Variants in FBN1 observed in about 807,000 individuals in gnomAD.
FBN1 encodes fibrillin-1.
In FBN1, 29 loss-of-function variants were observed where a neutral mutation model predicts 365.1. The ratio of observed to expected loss-of-function variants is 0.08; its 90% CI spans 0.06 to 0.11. FBN1 has a LOEUF of 0.11. Among genes scored for constraint, FBN1 ranks in the 10% least tolerant of loss-of-function variants. The probability of loss-of-function intolerance (pLI) is 1.00; values close to 1 mark genes in which losing one functional copy is unlikely to be tolerated. For synonymous variants in FBN1, 1,210 were observed against 1,270.5 expected (o/e 0.95, Z 1.01); for missense variants, 2,476 against 3,703.2 (o/e 0.67, Z 8.60).
intron 5 of FBN1, among the ~76,000 whole-genome samples, chr15:48,599,683 G>A (rs933461548): frequency 6.6e-6 from 1 of 152,158 alleles, no homozygotes; most frequent in African/African-American, 2.4e-5. Flanking sequence ...GCAGAATCTA[G>A]ATTAGGAAAT....
At chr15:48,440,900 G>GAAAA (rs796766783) in intron 50 of FBN1, among the ~76,000 whole-genome samples, 28 of 141,484 alleles carry the variant, frequency 2.0e-4, no homozygotes, top group Non-Finnish European at 3.2e-4. Context: ...AAAAAACCAT[G>GAAAA]AAAAAAAAAA....
chr15:48,452,324 C>A (rs1028341240), intron 45 of FBN1, among the ~76,000 whole-genome samples: 1 of 152,038 alleles, frequency 6.6e-6, no homozygotes, highest in Non-Finnish European at 1.5e-5. Context: ...TCTATGTATG[C>A]GAATGATTTA....
At chr15:48,428,100 C>T (rs954270750) in intron 57 of FBN1, 8 of 634,838 alleles carry the variant, frequency 1.3e-5, no homozygotes, top group Admixed American at 5.2e-5. Flanking sequence ...TCACCAAGGG[C>T]TTCAAAGGCA....
At chr15:48,619,666 A>G (rs1889728201) in intron 2 of FBN1, among the ~76,000 whole-genome samples, 1 of 152,066 alleles carries the variant, frequency 6.6e-6, no homozygotes, top group Non-Finnish European at 1.5e-5. Context: ...CATCAGGACT[A>G]TTCACCTTGC....
intron 6 of FBN1, among the ~76,000 whole-genome samples, chr15:48,593,979 A>T (rs984469780): frequency 6.6e-6 from 1 of 152,146 alleles, no homozygotes; most frequent in Non-Finnish European, 1.5e-5. Context: ...AAGTATACCA[A>T]CCCACCATCG....
In FBN1 at chr15:48,486,971, G is replaced by A. The variant is rs2043512131; in HGVS notation, c.3589+104C>T. On this transcript the variant is annotated intron_variant, in intron 29 of 65. Transcript: ENST00000316623. ...AAACAAAACTCAGAGTACATAGAGT[G>A]TTTTAGGGAGAGATGAAATAAAATA... The A allele has an allele frequency of 5.3e-6, 5 of 938,326 alleles. No individual in the cohort carries two copies. The East Asian group carries it at 1.6e-4, about 30-fold the overall frequency. 58.1% of individuals were successfully genotyped at this position (938,326 alleles called of 1,614,324 possible). A position where few individuals can be genotyped will look rare whatever the true frequency, so the allele number is the denominator to read the frequency against.
intron 12 of FBN1, 39 bp downstream of exon 12, chr15:48,515,348 C>G (rs1365500277): frequency 6.2e-7 from 1 of 1,612,568 alleles, no homozygotes; most frequent in Non-Finnish European, 8.5e-7. Flanking sequence ...AACAGAATTA[C>G]AACAGACCCT....
chr15:48,548,882 A>G (rs1185983383), intron 6 of FBN1, among the ~76,000 whole-genome samples: 1 of 152,218 alleles, frequency 6.6e-6, no homozygotes, highest in Admixed American at 6.5e-5. Context: ...AAGCATGTTA[A>G]CAATAATTAA....
chr15:48,620,908 G>A (rs1326423619), intron 2 of FBN1, among the ~76,000 whole-genome samples: 1 of 152,186 alleles, frequency 6.6e-6, no homozygotes, highest in Non-Finnish European at 1.5e-5. Flanking sequence ...TGAATCTGTA[G>A]CATCTTGCAG....
intron 5 of FBN1, among the ~76,000 whole-genome samples, chr15:48,598,175 A>C (rs2044530330): frequency 6.6e-6 from 1 of 152,206 alleles, no homozygotes. Context: ...CACATGGGCT[A>C]TGGAGTCAGA....
At chr15:48,523,065 C>T (rs1489823637) in intron 9 of FBN1, among the ~76,000 whole-genome samples, 4 of 152,174 alleles carry the variant, frequency 2.6e-5, no homozygotes, top group African/African-American at 9.7e-5. Context: ...TTTGTAATGC[C>T]TTAAAACCAC....
intron 2 of FBN1, among the ~76,000 whole-genome samples, chr15:48,627,659 G>A (rs557976547): frequency 1.3e-5 from 2 of 152,264 alleles, no homozygotes; most frequent in South Asian, 2.1e-4. Context: ...CCAATTTCAC[G>A]TCTCTGTGAC....
chr15:48,645,204 G>T (rs1160847531), intron 1 of FBN1, among the ~76,000 whole-genome samples: 2 of 152,142 alleles, frequency 1.3e-5, no homozygotes, highest in Non-Finnish European at 2.9e-5. Flanking sequence ...ATCCCCAGCG[G>T]TCCTAAGCCC....
In FBN1 at chr15:48,458,286, A is replaced by C. The variant is rs546422914; in HGVS notation, c.5297-1524T>G. On this transcript the variant is annotated intron_variant, in intron 43 of 65. Transcript: ENST00000316623. ...CCACACTCTATAACCAATCTGTTTT[A>C]AAGGAGAAATTTGATGTCATAGATT... 2.2e-3 allele frequency among the ~76,000 whole-genome samples: 333 copies of C among 152,350 alleles called. 2 individuals carry two copies. The highest frequency in any genetic ancestry group is 7.8e-3 in the African/African-American group (324 of 41,582).
intron 6 of FBN1, among the ~76,000 whole-genome samples, chr15:48,579,635 A>C (rs1183974967): frequency 2.6e-5 from 4 of 152,176 alleles, no homozygotes; most frequent in Non-Finnish European, 5.9e-5. Context: ...TTCTTTCACT[A>C]ATCTATAAAT....
chr15:48,491,755 C>G (rs2141299528), intron 24 of FBN1, among the ~76,000 whole-genome samples: 1 of 152,286 alleles, frequency 6.6e-6, no homozygotes, highest in Non-Finnish European at 1.5e-5. Flanking sequence ...GTCATGAACT[C>G]AGAAACCAGT....
At position 48,410,690 on chromosome 15, in the gene FBN1, A is replaced by G. The variant is rs1011876253; in HGVS notation, c.*300T>C. The G allele has an allele frequency of 3.9e-5, 14 of 359,490 alleles. No individual in the cohort carries two copies. Among genetic ancestry groups the G allele is most frequent in the Non-Finnish European group, 6.1e-5 (12 of 198,344 alleles). The allele number at this position is 359,490 out of a possible 1,614,324, so 22.3% of individuals were successfully genotyped here. ...AGCACATTCCCGTACGTTTGCTGGA[A>G]GGATGGCATGTCAGCATAAATGGCC... On this transcript the variant is annotated 3_prime_UTR_variant, in exon 66 of 66. Transcript: ENST00000316623.
chr15:48,515,469 A>C lies in FBN1; in HGVS notation c.1386T>G (p.Asn462Lys). The stretch of plus-strand genomic sequence containing the variant: ...TCCCAGGAGTTGGAATGCAGCGTCC[A>C]TTTTGACAGAGATAGCGGACCAACT... Reference protein sequence around the residue: ...YCQLVRYLCQNGRCIPTPGSY... With the variant: ...YCQLVRYLCQKGRCIPTPGSY... The change falls in exon 12 of 66, where the codon AAT (asparagine) becomes AAG (lysine). Residue 462 changes from asparagine (N) to lysine (K), a missense_variant. Around this residue, in one of 5 missense-constraint regions of FBN1, gnomAD observed 421 missense variants for 520.1 expected, o/e 0.81. Coordinates refer to ENST00000316623, the MANE Select transcript of FBN1 (RefSeq NM_000138.5). The C allele has an allele frequency of 6.2e-7, 1 of 1,614,078 alleles. No homozygotes were observed. The highest frequency in any genetic ancestry group is 8.5e-7 in the Non-Finnish European group (1 of 1,179,944).
intron 31 of FBN1, among the ~76,000 whole-genome samples, chr15:48,482,623 T>C (rs1259813254): frequency 6.6e-6 from 1 of 151,972 alleles, no homozygotes; most frequent in East Asian, 1.9e-4. Flanking sequence ...AAGGCTGAGG[T>C]AGTTAGGGTT....
Sources: allele counts gnomAD v4.1 joint callset (sites outside exome capture counted in the v4.1 genomes callset), GRCh38; gene constraint gnomAD v4.1.1; regional missense constraint gnomAD v4.1.1; transcripts MANE v1.5; gene names NCBI Gene and HGNC (gene_info 2026-07-23, HGNC 2026-07-21).